Variants in ACAD11 observed in about 807,000 individuals in gnomAD.
ACAD11 encodes acyl-CoA dehydrogenase family member 11, also known as acyl-Coenzyme A dehydrogenase family, member 11.
A neutral mutation model predicts 102.2 loss-of-function variants in ACAD11; 83 were observed. That is an observed-to-expected ratio of 0.81 (90% CI 0.68 to 0.97). The LOEUF is 0.97. Among genes scored for constraint, ACAD11 ranks in the 50% least tolerant of loss-of-function variants. ACAD11 has a pLI of 0.00. For synonymous variants in ACAD11, 324 were observed against 319.8 expected, an observed-to-expected ratio of 1.01 and a Z score of -0.14; for missense variants, 901 against 951.7, an observed-to-expected ratio of 0.95 and a Z score of 0.70.
intron 18 of ACAD11, among the ~76,000 whole-genome samples, chr3:132,560,231 A>G (rs1458250365): frequency 1.3e-5 from 2 of 152,164 alleles, no homozygotes. Flanking sequence ...CTTAGGGATC[A>G]TAAAAATAGT....
chr3:132,600,400 G>T, intron 13 of ACAD11: 1 of 1,579,804 alleles, frequency 6.3e-7, no homozygotes, highest in East Asian at 2.3e-5. Flanking sequence ...TTGGAGCCAT[G>T]GCTTTGGAAC....
intron 17 of ACAD11, among the ~76,000 whole-genome samples, chr3:132,562,081 AT>A (rs1937076321): frequency 6.6e-6 from 1 of 152,096 alleles, no homozygotes. Flanking sequence ...GTTGAAGGAC[AT>A]TTCGGTTGTT....
chr3:132,562,849 A>G (rs945986175), intron 17 of ACAD11, among the ~76,000 whole-genome samples: 5 of 152,310 alleles, frequency 3.3e-5, no homozygotes, highest in East Asian at 3.9e-4. Context: ...AAATCTGTCA[A>G]TTCTTTCTTT....
Position 132,642,095 on chromosome 3 carries a change from G to A in ACAD11, c.414C>T (p.Ser138=). ...IFRDLTIPGL[S]PAERSAIYVA... ...CATATATGGCTGAACGTTCTGCTGG[G>A]CTAAGTCCAGGAATTGTTAAATCAC... Residue 138 remains serine (S), a synonymous_variant, in exon 4 of 20, where the codon AGC becomes AGT. Transcript: ENST00000264990. 1 of 1,614,000 alleles carries A rather than the reference G, an allele frequency of 6.2e-7. No individual in the cohort carries two copies. Among genetic ancestry groups the A allele is most frequent in the Non-Finnish European group, 8.5e-7 (1 of 1,179,934 alleles).
intron 1 of ACAD11, among the ~76,000 whole-genome samples, chr3:132,656,308 A>G (rs1473198556): frequency 6.6e-6 from 1 of 152,116 alleles, no homozygotes; most frequent in African/African-American, 2.4e-5. Context: ...GTCCCCTTAT[A>G]CTGTAGTACA....
intron 13 of ACAD11, among the ~76,000 whole-genome samples, chr3:132,583,620 T>C (rs1053920913): frequency 2.0e-5 from 3 of 152,240 alleles, no homozygotes; most frequent in African/African-American, 7.2e-5. Context: ...CTTGCTTCTC[T>C]AGTTCTTTTA....
intron 1 of ACAD11, among the ~76,000 whole-genome samples, chr3:132,655,270 C>T (rs1355889864): frequency 6.6e-6 from 1 of 152,216 alleles, no homozygotes; most frequent in Non-Finnish European, 1.5e-5. Flanking sequence ...TTGGCCCCTT[C>T]AGTCAACTCT....
At chr3:132,656,004 G>A (rs544365263) in intron 1 of ACAD11, among the ~76,000 whole-genome samples, 2 of 152,240 alleles carry the variant, frequency 1.3e-5, no homozygotes, top group East Asian at 1.9e-4. Flanking sequence ...TTCACTACCC[G>A]GAGAAAATTA....
At chr3:132,579,892 A>C (rs1185925362) in intron 13 of ACAD11, among the ~76,000 whole-genome samples, 1 of 152,152 alleles carries the variant, frequency 6.6e-6, no homozygotes, top group African/African-American at 2.4e-5. Context: ...CTAATATAAT[A>C]TTTTATATGT....
chr3:132,630,290 T>C (rs918304699), intron 7 of ACAD11, 147 bp downstream of exon 7: 2 of 914,068 alleles, frequency 2.2e-6, no homozygotes, highest in African/African-American at 3.4e-5. Context: ...AAATTCTGGA[T>C]TTATATTTTA....
intron 1 of ACAD11, among the ~76,000 whole-genome samples, chr3:132,653,998 T>C (rs1937650809): frequency 6.6e-6 from 1 of 152,232 alleles, no homozygotes; most frequent in African/African-American, 2.4e-5. Flanking sequence ...TATACATATC[T>C]ACTTGGATGT....
intron 13 of ACAD11, among the ~76,000 whole-genome samples, chr3:132,593,722 T>C (rs375616844): frequency 2.0e-5 from 3 of 152,180 alleles, no homozygotes; most frequent in South Asian, 4.1e-4. Context: ...CTGGGCAACA[T>C]AGCAAAATGA....
chr3:132,646,835 T>G (rs565738619), intron 1 of ACAD11, among the ~76,000 whole-genome samples: 89 of 152,270 alleles, frequency 5.8e-4, no homozygotes, highest in African/African-American at 1.0e-3. Flanking sequence ...TGAAAGAAGC[T>G]AGTCACAAAA....
rs142216219 is a variant in ACAD11 at position 132,627,361 on chromosome 3, C to T, written c.1071-544G>A. On this transcript the variant is annotated intron_variant, in intron 8 of 19. Coordinates refer to ENST00000264990, the MANE Select transcript of ACAD11 (RefSeq NM_032169.5). ...TGTGTGCCTAATTTTTCCTGTGAGACGAGAACCTGGATTTTAGCTGAACTA... is the reference window on the plus strand; with the variant it reads ...TGTGTGCCTAATTTTTCCTGTGAGATGAGAACCTGGATTTTAGCTGAACTA... Among the ~76,000 whole-genome samples, 154 of 152,242 alleles carry T rather than the reference C, an allele frequency of 1.0e-3. 1 individual carries two copies. Among genetic ancestry groups the T allele is most frequent in the African/African-American group, 3.5e-3 (147 of 41,542 alleles).
intron 8 of ACAD11, among the ~76,000 whole-genome samples, chr3:132,627,392 C>CA (rs949285592): frequency 2.6e-4 from 39 of 152,078 alleles, no homozygotes; most frequent in Non-Finnish European, 1.0e-4. Flanking sequence ...AACTAAGGAG[C>CA]AAAAAATCCC....
At chr3:132,633,469 C>T (rs566758132) in intron 5 of ACAD11, among the ~76,000 whole-genome samples, 15 of 152,122 alleles carry the variant, frequency 9.9e-5, no homozygotes, top group South Asian at 2.1e-4. Flanking sequence ...TGCTGGATTC[C>T]GTTTGCCAGT....
intron 17 of ACAD11, 102 bp from the exon 18 acceptor site, chr3:132,561,319 CAG>C (rs1446473407): frequency 1.2e-6 from 1 of 843,768 alleles, no homozygotes; most frequent in Non-Finnish European, 2.0e-6. Flanking sequence ...CTCTCTAAGC[CAG>C]AGATTGTTCA....
chr3:132,579,087 T>C, intron 14 of ACAD11: 2 of 1,474,834 alleles, frequency 1.4e-6, no homozygotes, highest in Non-Finnish European at 1.8e-6. Flanking sequence ...TGAAAATAAA[T>C]GAGTTGTTTG....
intron 10 of ACAD11, chr3:132,618,974 G>T: frequency 2.2e-6 from 1 of 445,820 alleles, no homozygotes; most frequent in Non-Finnish European, 3.7e-6. Context: ...TTAATAACAT[G>T]TCTTTTCCTC....
Sources: allele counts gnomAD v4.1 joint callset (sites outside exome capture counted in the v4.1 genomes callset), GRCh38; gene constraint gnomAD v4.1.1; transcripts MANE v1.5; gene names NCBI Gene and HGNC (gene_info 2026-07-23, HGNC 2026-07-21).